Variants in RPS6KA2 observed in about 807,000 individuals in gnomAD.
RPS6KA2 encodes the protein ribosomal protein S6 kinase alpha-2.
A neutral mutation model predicts 91.8 loss-of-function variants in RPS6KA2; 42 were observed. That is an observed-to-expected ratio of 0.46 (90% CI 0.36 to 0.59). The LOEUF (loss-of-function observed/expected upper bound fraction) is 0.59, where lower values mean the gene tolerates loss of function less well. RPS6KA2 is among the 20% of genes least tolerant of loss of function. The pLI is 0.00. For missense variants in RPS6KA2, 798 were observed against 978.5 expected (o/e 0.82, Z 2.46); for synonymous variants, 414 against 393.6 (o/e 1.05, Z -0.61).
intron 2 of RPS6KA2, among the ~76,000 whole-genome samples, chr6:166,804,840 T>C (rs1334362351): frequency 2.0e-5 from 3 of 152,176 alleles, no homozygotes; most frequent in African/African-American, 7.2e-5. Flanking sequence ...ATTGACAAAA[T>C]CTTTTAAAAG....
chr6:166,815,839 C>T (rs554446440), intron 2 of RPS6KA2, among the ~76,000 whole-genome samples: 1 of 152,130 alleles, frequency 6.6e-6, no homozygotes, highest in Non-Finnish European at 1.5e-5. Flanking sequence ...AGGTTTTTGC[C>T]GTTGCCTACT....
intron 1 of RPS6KA2, among the ~76,000 whole-genome samples, chr6:166,560,303 T>C (rs1784305051): frequency 6.6e-6 from 1 of 152,272 alleles, no homozygotes; most frequent in Admixed American, 6.5e-5. Flanking sequence ...TACTGGTTTT[T>C]ATTTCAAAGA....
rs1222312748 is a variant in RPS6KA2 at position 166,767,019 on chromosome 6, A to G, written c.123+91181T>C. ...CCCACCCCCGAACCCTGCTGCACCCAGAAGTCTGCACCAACTCACCGCCAC... is the reference window on the plus strand; with the variant it reads ...CCCACCCCCGAACCCTGCTGCACCCGGAAGTCTGCACCAACTCACCGCCAC... On this transcript the variant is annotated intron_variant, in intron 2 of 21. Transcript: ENST00000503859. The surrounding 1 kb of genome is among the most constrained non-coding windows in gnomAD (Gnocchi z 4.6). 6.6e-6 allele frequency among the ~76,000 whole-genome samples: 1 copy of G among 152,146 alleles called. No homozygotes were observed. The highest frequency in any genetic ancestry group is 2.4e-5 in the African/African-American group (1 of 41,436).
intron 2 of RPS6KA2, among the ~76,000 whole-genome samples, chr6:166,761,243 C>T (rs1778162334): frequency 6.6e-6 from 1 of 152,118 alleles, no homozygotes; most frequent in African/African-American, 2.4e-5. Context: ...CAGGATTTCA[C>T]CATGTTGCCC....
At chr6:166,531,997 C>A (rs546018792) in intron 2 of RPS6KA2, among the ~76,000 whole-genome samples, 18 of 152,080 alleles carry the variant, frequency 1.2e-4, no homozygotes, top group African/African-American at 4.3e-4. Flanking sequence ...AACTTCCATG[C>A]AAATTAAGAA....
chr6:166,512,973 G>A (rs949270542), intron 3 of RPS6KA2, among the ~76,000 whole-genome samples: 12 of 152,016 alleles, frequency 7.9e-5, no homozygotes, highest in African/African-American at 2.4e-4. Context: ...GTGGTCCTGT[G>A]ACATTCCTTA....
chr6:166,654,753 A>C (rs1259544442), intron 2 of RPS6KA2, among the ~76,000 whole-genome samples: 1 of 152,196 alleles, frequency 6.6e-6, no homozygotes, highest in Non-Finnish European at 1.5e-5. Flanking sequence ...GTTTCTTCAT[A>C]ATTAGATTAG....
rs770049880 is a variant in RPS6KA2 at position 166,508,498 on chromosome 6, G to A, written c.380-216C>T. ...TGCCCCTCTCTCACTGTCGTTAGGG[G>A]GCCTTGAGATTTCTTTCATCTTTCT... On this transcript the variant is annotated intron_variant, in intron 4 of 20. Transcript: ENST00000265678. This position sits in a 1 kb window ranked among gnomAD's most constrained non-coding sequence, Gnocchi z 4.3. Among the ~76,000 whole-genome samples the A allele has an allele frequency of 1.3e-5, 2 of 152,056 alleles. No homozygotes were observed. Among genetic ancestry groups the A allele is most frequent in the South Asian group, 2.1e-4 (1 of 4,810 alleles).
chr6:166,855,261 A>T (rs1258060078), intron 2 of RPS6KA2, among the ~76,000 whole-genome samples: 5 of 152,086 alleles, frequency 3.3e-5, no homozygotes, highest in Admixed American at 3.3e-4. Context: ...CTATGCTAGA[A>T]GTCCAGAATT....
intron 2 of RPS6KA2, among the ~76,000 whole-genome samples, chr6:166,695,795 A>G (rs1789340814): frequency 1.4e-5 from 2 of 138,034 alleles, no homozygotes; most frequent in African/African-American, 7.1e-5. Flanking sequence ...TCACAGGAGC[A>G]CTGGATTCTC....
chr6:166,685,663 C>T (rs1788989445), intron 2 of RPS6KA2, among the ~76,000 whole-genome samples: 1 of 152,140 alleles, frequency 6.6e-6, no homozygotes, highest in Non-Finnish European at 1.5e-5. Context: ...GAATTCCTCC[C>T]CGTGCACCAC....
intron 1 of RPS6KA2, among the ~76,000 whole-genome samples, chr6:166,594,518 A>G (rs1416614734): frequency 1.3e-5 from 2 of 151,838 alleles, no homozygotes; most frequent in African/African-American, 2.4e-5. Flanking sequence ...GCTGGAGTGC[A>G]GTGGCGCAAT....
At chr6:166,504,671 G>T in intron 5 of RPS6KA2, 59 bp from the exon 6 acceptor site, 1 of 1,244,862 alleles carries the variant, frequency 8.0e-7, no homozygotes, top group Non-Finnish European at 1.2e-6. Flanking sequence ...TATGGCTGGT[G>T]TGTTTTAAAG....
At position 166,414,454 on chromosome 6, in the gene RPS6KA2, C is replaced by T. The variant is rs574842199; in HGVS notation, c.1939-523G>A. Among the ~76,000 whole-genome samples, 5 of 152,256 alleles carry T rather than the reference C, an allele frequency of 3.3e-5. No individual in the cohort carries two copies. In the East Asian group the frequency reaches 7.7e-4, roughly 24 times the overall value. On this transcript the variant is annotated intron_variant, in intron 19 of 20. Transcript: ENST00000265678. ...GTATTTTTCCATTTCATTGTAAAGT[C>T]GTAGCAGTAAAAACCTCTAAAACAA... is the stretch of plus-strand genomic sequence containing the variant.
chr6:166,738,779 G>C (rs1230466884), intron 2 of RPS6KA2, among the ~76,000 whole-genome samples: 1 of 152,212 alleles, frequency 6.6e-6, no homozygotes, highest in Non-Finnish European at 1.5e-5. Flanking sequence ...AGTTGCAAAA[G>C]AAAAGTATTA....
intron 2 of RPS6KA2, among the ~76,000 whole-genome samples, chr6:166,669,529 A>C (rs1257161313): frequency 1.3e-5 from 2 of 152,104 alleles, no homozygotes; most frequent in Non-Finnish European, 2.9e-5. Context: ...TGATGGCTCC[A>C]AAGAGTCTCC....
At chr6:166,835,599 C>G (rs147829304) in intron 2 of RPS6KA2, among the ~76,000 whole-genome samples, 1 of 152,206 alleles carries the variant, frequency 6.6e-6, no homozygotes, top group Non-Finnish European at 1.5e-5. Context: ...ATTTACCTTA[C>G]GTCCTGCAAC....
intron 1 of RPS6KA2, among the ~76,000 whole-genome samples, chr6:166,615,142 G>T (rs958074267): frequency 1.3e-5 from 2 of 152,178 alleles, no homozygotes; most frequent in East Asian, 3.9e-4. Flanking sequence ...GGATGTGGCC[G>T]CATTGTTCAT....
chr6:166,704,634 T>C (rs1199285136), intron 2 of RPS6KA2, among the ~76,000 whole-genome samples: 13 of 152,184 alleles, frequency 8.5e-5, no homozygotes, highest in Non-Finnish European at 1.6e-4. Context: ...TGTCTGGCCA[T>C]GTGTTTGGGT....
Sources: gnomAD v4.1 joint callset for allele counts (sites outside exome capture counted in the v4.1 genomes callset) on GRCh38, gnomAD v4.1.1 for gene constraint, Gnocchi (gnomAD v3.1) non-coding constraint, MANE v1.5 for transcripts, NCBI Gene and HGNC (gene_info 2026-07-23, HGNC 2026-07-21) for gene names.